The following CPED1 variants were observed in gnomAD, a reference collection of about 807,000 sequenced individuals.
CPED1 encodes cadherin like and PC-esterase domain containing 1.
CPED1 carries 114 observed loss-of-function variants against 128.2 expected under a neutral mutation model. The observed-to-expected ratio is 0.89, with a 90% CI of 0.76 to 1.04. The LOEUF (loss-of-function observed/expected upper bound fraction) is 1.04. CPED1 is among the 50% of genes least tolerant of loss of function. The pLI is 0.00. For missense variants in CPED1, 1,211 were observed against 1,207.1 expected (o/e 1.00, Z -0.05); for synonymous variants, 462 against 426.7 (o/e 1.08, Z -1.02).
At chr7:121,177,060 G>T (rs1395251058) in intron 16 of CPED1, among the ~76,000 whole-genome samples, 1 of 152,048 alleles carries the variant, frequency 6.6e-6, no homozygotes, top group Non-Finnish European at 1.5e-5. Flanking sequence ...AATGGCAGTA[G>T]CGTAGATTTT....
chr7:121,269,072 A>G (rs1390015929), intron 21 of CPED1, among the ~76,000 whole-genome samples: 1 of 151,988 alleles, frequency 6.6e-6, no homozygotes, highest in Non-Finnish European at 1.5e-5. Flanking sequence ...TTCTCAGCAC[A>G]TAGAAGACCC....
intron 22 of CPED1, among the ~76,000 whole-genome samples, chr7:121,273,644 C>T (rs192003984): frequency 1.3e-5 from 2 of 152,106 alleles, no homozygotes; most frequent in Admixed American, 6.6e-5. Context: ...TTAATATGAC[C>T]AAATGGAACT....
At chr7:121,191,880 A>G (rs996501546) in intron 16 of CPED1, among the ~76,000 whole-genome samples, 2 of 152,146 alleles carry the variant, frequency 1.3e-5, no homozygotes, top group African/African-American at 4.8e-5. Flanking sequence ...TAGGTCCACA[A>G]TAAATATTTC....
intron 7 of CPED1, among the ~76,000 whole-genome samples, chr7:121,102,597 A>G (rs1161680218): frequency 6.6e-6 from 1 of 152,126 alleles, no homozygotes; most frequent in Admixed American, 6.6e-5. Context: ...TGGAGGAGTG[A>G]ATGCCACATG....
intron 14 of CPED1, among the ~76,000 whole-genome samples, chr7:121,138,212 C>A (rs929447955): frequency 2.6e-5 from 4 of 152,006 alleles, no homozygotes; most frequent in African/African-American, 9.7e-5. Flanking sequence ...CTCAAGAGAG[C>A]AATCAAATTC....
intron 16 of CPED1, among the ~76,000 whole-genome samples, chr7:121,167,401 AAG>A (rs1175973106): frequency 2.0e-5 from 3 of 152,202 alleles, no homozygotes; most frequent in Admixed American, 2.0e-4. Context: ...TTATGGAAAA[AAG>A]AGTTCTTTGG....
intron 17 of CPED1, among the ~76,000 whole-genome samples, chr7:121,238,332 TCCAGCCTCCTC>T (rs944861183): frequency 1.1e-4 from 16 of 152,134 alleles, no homozygotes; most frequent in Non-Finnish European, 1.8e-4. Flanking sequence ...TTTCTATATT[TCCAGCCTCCTC>T]CCAGCCTCTT....
At chr7:121,250,859 T>C (rs1798654997) in intron 18 of CPED1, among the ~76,000 whole-genome samples, 1 of 151,850 alleles carries the variant, frequency 6.6e-6, no homozygotes, top group Non-Finnish European at 1.5e-5. Context: ...CCAAGACAGA[T>C]GGATTCACAG....
chr7:121,179,652 G>A (rs1437703305), intron 16 of CPED1, among the ~76,000 whole-genome samples: 1 of 151,952 alleles, frequency 6.6e-6, no homozygotes, highest in African/African-American at 2.4e-5. Flanking sequence ...GTGTTCAAAT[G>A]TTTAAGATTT....
intron 5 of CPED1, among the ~76,000 whole-genome samples, chr7:121,075,738 T>C (rs1374027675): frequency 1.3e-5 from 2 of 152,168 alleles, no homozygotes; most frequent in Non-Finnish European, 2.9e-5. Context: ...TTTTGTAAGA[T>C]TTATGTACAT....
At chr7:121,200,873 T>C (rs1442399864) in intron 16 of CPED1, among the ~76,000 whole-genome samples, 2 of 152,052 alleles carry the variant, frequency 1.3e-5, no homozygotes, top group Admixed American at 6.6e-5. Context: ...AATAGTGTCA[T>C]TGTAGCAGCA....
chr7:121,017,836 A>T (rs1408700712), intron 3 of CPED1, among the ~76,000 whole-genome samples: 1 of 152,186 alleles, frequency 6.6e-6, no homozygotes, highest in African/African-American at 2.4e-5. Context: ...AAGGCAATAG[A>T]ATATGGCAGC....
intron 11 of CPED1, among the ~76,000 whole-genome samples, chr7:121,129,801 G>T (rs1445410953): frequency 6.6e-6 from 1 of 151,480 alleles, no homozygotes; most frequent in African/African-American, 2.4e-5. Context: ...AACCCAAGAG[G>T]CTCTCTCATT....
chr7:121,035,313 A>G (rs115377886), intron 3 of CPED1, among the ~76,000 whole-genome samples: 304 of 152,338 alleles, frequency 2.0e-3, no homozygotes, highest in African/African-American at 7.0e-3. Flanking sequence ...TCTAGAAGGA[A>G]AAATAATTAG....
intron 5 of CPED1, among the ~76,000 whole-genome samples, chr7:121,085,140 C>T (rs1794390099): frequency 1.3e-5 from 2 of 152,202 alleles, no homozygotes; most frequent in East Asian, 1.9e-4. Context: ...CACCACTGCT[C>T]ATGCCCACCA....
chr7:121,163,802 A>G (rs1796464311), intron 16 of CPED1, among the ~76,000 whole-genome samples: 1 of 152,236 alleles, frequency 6.6e-6, no homozygotes, highest in Non-Finnish European at 1.5e-5. Context: ...GTTCAATATA[A>G]ATAAGTCCAT....
intron 7 of CPED1, among the ~76,000 whole-genome samples, chr7:121,105,858 G>T (rs1794964187): frequency 6.6e-6 from 1 of 152,032 alleles, no homozygotes; most frequent in African/African-American, 2.4e-5. Flanking sequence ...TAAAAGATTT[G>T]TCAAGTCATT....
intron 16 of CPED1, among the ~76,000 whole-genome samples, chr7:121,234,120 T>A (rs192031350): frequency 1.2e-3 from 190 of 152,106 alleles, no homozygotes; most frequent in African/African-American, 4.5e-3. Context: ...GAAATCAATT[T>A]TTTTAATGCT....
intron 22 of CPED1, among the ~76,000 whole-genome samples, chr7:121,280,610 C>T (rs534795060): frequency 6.6e-6 from 1 of 152,310 alleles, no homozygotes; most frequent in South Asian, 2.1e-4. Flanking sequence ...GCATCTTTGA[C>T]AGATTCAGAA....
Sources: gnomAD v4.1 joint callset for allele counts (sites outside exome capture counted in the v4.1 genomes callset) on GRCh38, gnomAD v4.1.1 for gene constraint, MANE v1.5 for transcripts, NCBI Gene and HGNC (gene_info 2026-07-23, HGNC 2026-07-21) for gene names.